NBAS: variants seen among roughly 807,000 people sequenced by gnomAD.
NBAS encodes the protein NBAS subunit of NRZ tethering complex.
Under a neutral mutation model 302.5 loss-of-function variants are expected in NBAS, and 219 were observed. That is an observed-to-expected ratio of 0.72 (90% CI 0.65 to 0.81). NBAS has a LOEUF of 0.81. Among genes scored for constraint, NBAS ranks in the 30% least tolerant of loss-of-function variants. The pLI, the probability that NBAS is intolerant of heterozygous loss-of-function variation, is 0.00. For synonymous variants in NBAS, 1,118 were observed against 1,021.6 expected (o/e 1.09, Z -1.80); for missense variants, 2,932 against 2,841.6 (o/e 1.03, Z -0.72).
At position 15,292,709 on chromosome 2, in the gene NBAS, C is replaced by T. The variant is rs145651640; in HGVS notation, c.4855G>A (p.Glu1619Lys). 3.2e-5 allele frequency: 52 copies of T among 1,614,176 alleles called. No homozygotes were observed. The African/African-American group carries it at 4.8e-4, about 15-fold the overall frequency. ...GAAATAAGGTCTTCAGGCCAGGCTT[C>T]GTGCTCATGTCGAGTCACATGCCTG... ...VTRHVTRHEH[E>K]AWPEDLISLT... The change falls in exon 41 of 52, where the codon GAA (glutamate) becomes AAA (lysine). Residue 1619 changes from glutamate to lysine, a missense_variant. Physicochemically the swap from Glu to Lys is moderately conservative, Grantham distance 56 (BLOSUM62 1). Transcript: ENST00000281513.
chr2:15,416,269 C>G (rs1474459372), intron 24 of NBAS, among the ~76,000 whole-genome samples: 2 of 152,142 alleles, frequency 1.3e-5, no homozygotes, highest in Non-Finnish European at 2.9e-5. Context: ...TCTCTCCCTT[C>G]TTTTTCCTCT....
At chr2:14,975,010 G>C in the NBAS span, among the ~76,000 whole-genome samples, 1 of 152,120 alleles carries the variant, frequency 6.6e-6, no homozygotes, top group Non-Finnish European at 1.5e-5. Flanking sequence ...AAGGAATTCG[G>C]CTGGGTTGGC....
At chr2:15,476,601 G>A (rs972503276) in intron 13 of NBAS, among the ~76,000 whole-genome samples, 1 of 152,018 alleles carries the variant, frequency 6.6e-6, no homozygotes, top group Non-Finnish European at 1.5e-5. Context: ...CGTGCCTGTA[G>A]TTCCAACTAC....
the NBAS span, among the ~76,000 whole-genome samples, chr2:14,786,343 T>C: frequency 6.6e-6 from 1 of 152,142 alleles, no homozygotes; most frequent in African/African-American, 2.4e-5. Flanking sequence ...CTGATTTTAG[T>C]TATTTCTTGC....
chr2:15,146,358 T>C, the NBAS span, among the ~76,000 whole-genome samples: 4 of 152,136 alleles, frequency 2.6e-5, no homozygotes, highest in Non-Finnish European at 5.9e-5. Flanking sequence ...TCATCTTGAG[T>C]TAAATCTGAT....
At chr2:15,049,050 C>T in the NBAS span, among the ~76,000 whole-genome samples, 1 of 152,254 alleles carries the variant, frequency 6.6e-6, no homozygotes, top group Non-Finnish European at 1.5e-5. Context: ...GGCGAAGGGA[C>T]TTTGCAGGCA....
At chr2:15,133,711 T>A in the NBAS span, among the ~76,000 whole-genome samples, 1 of 152,182 alleles carries the variant, frequency 6.6e-6, no homozygotes, top group Non-Finnish European at 1.5e-5. Flanking sequence ...ATGTGGCTAG[T>A]AGGTCCCCAT....
At chr2:15,046,012 C>A in the NBAS span, among the ~76,000 whole-genome samples, 1 of 152,210 alleles carries the variant, frequency 6.6e-6, no homozygotes, top group African/African-American at 2.4e-5. Flanking sequence ...GCTCTTCCAG[C>A]TGAACTATTG....
the NBAS span, among the ~76,000 whole-genome samples, chr2:15,129,983 T>C: frequency 6.6e-6 from 1 of 152,210 alleles, no homozygotes; most frequent in African/African-American, 2.4e-5. Flanking sequence ...ATTCATGATG[T>C]TGCGCAGCCC....
the NBAS span, among the ~76,000 whole-genome samples, chr2:14,908,716 A>T: frequency 6.6e-6 from 1 of 152,220 alleles, no homozygotes; most frequent in Admixed American, 6.5e-5. Context: ...GAACAGGGCA[A>T]TATGCTAACA....
intron 36 of NBAS, among the ~76,000 whole-genome samples, chr2:15,328,719 C>G (rs902378401): frequency 2.0e-5 from 3 of 152,138 alleles, no homozygotes; most frequent in Admixed American, 2.0e-4. Flanking sequence ...TAGCTCTGAA[C>G]AAGGCAAACA....
chr2:15,187,288 C>T (rs1665134444), intron 49 of NBAS, among the ~76,000 whole-genome samples: 1 of 151,970 alleles, frequency 6.6e-6, no homozygotes, highest in Admixed American at 6.6e-5. Flanking sequence ...TGAAGAGTTG[C>T]CTTAATGAAT....
At chr2:14,996,827 C>G in the NBAS span, among the ~76,000 whole-genome samples, 1 of 152,156 alleles carries the variant, frequency 6.6e-6, no homozygotes, top group Non-Finnish European at 1.5e-5. Context: ...TCACCACCCC[C>G]TCAATTTTCT....
At chr2:15,273,749 C>T (rs1363694651) in intron 44 of NBAS, among the ~76,000 whole-genome samples, 1 of 152,086 alleles carries the variant, frequency 6.6e-6, no homozygotes, top group Non-Finnish European at 1.5e-5. Context: ...CAAACACATT[C>T]TTTTCAAATA....
chr2:15,135,803 A>G, the NBAS span, among the ~76,000 whole-genome samples: 5 of 151,470 alleles, frequency 3.3e-5, no homozygotes, highest in Admixed American at 6.6e-5. Context: ...CCTGGGACAC[A>G]CTGGAAAAAG....
At chr2:15,218,675 A>G in intron 48 of NBAS, 98 bp downstream of exon 48, 1 of 1,521,188 alleles carries the variant, frequency 6.6e-7, no homozygotes, top group Non-Finnish European at 9.1e-7. Context: ...TGATCCTCCC[A>G]CCTTGGCCTC....
chr2:15,407,552 C>A (rs974582704), intron 25 of NBAS, among the ~76,000 whole-genome samples: 2 of 152,108 alleles, frequency 1.3e-5, no homozygotes, highest in Non-Finnish European at 2.9e-5. Context: ...AGATTATTTG[C>A]CACACGGGTA....
chr2:14,897,069 T>G, the NBAS span, among the ~76,000 whole-genome samples: 1 of 142,346 alleles, frequency 7.0e-6, no homozygotes, highest in Non-Finnish European at 1.6e-5. Flanking sequence ...TCCTCTTTTT[T>G]TTTTTTTCCA....
At chr2:15,342,743 T>G (rs1672913455) in intron 35 of NBAS, among the ~76,000 whole-genome samples, 1 of 152,076 alleles carries the variant, frequency 6.6e-6, no homozygotes, top group African/African-American at 2.4e-5. Flanking sequence ...AAGTTATACA[T>G]ATATCCATGT....
Sources: gnomAD v4.1 joint callset for allele counts (sites outside exome capture counted in the v4.1 genomes callset) on GRCh38, gnomAD v4.1.1 for gene constraint, MANE v1.5 for transcripts, NCBI Gene and HGNC (gene_info 2026-07-23, HGNC 2026-07-21) for gene names.